Variants in MOXD1 observed in about 807,000 individuals in gnomAD.
The protein encoded by MOXD1 is monooxygenase DBH like 1.
A neutral mutation model predicts 66.6 loss-of-function variants in MOXD1; 62 were observed. The ratio of observed to expected loss-of-function variants is 0.93; its 90% CI spans 0.76 to 1.15. The LOEUF (loss-of-function observed/expected upper bound fraction) is 1.15. MOXD1 is among the 50% of genes most tolerant of loss of function. The pLI, the probability that MOXD1 is intolerant of heterozygous loss-of-function variation, is 0.00. For missense variants in MOXD1, 847 were observed against 754.6 expected, an observed-to-expected ratio of 1.12 and a Z score of -1.44; for synonymous variants, 303 against 281.9, an observed-to-expected ratio of 1.07 and a Z score of -0.75.
intron 4 of MOXD1, among the ~76,000 whole-genome samples, chr6:132,363,222 CAAA>C (rs71926607): frequency 1.4e-5 from 2 of 137,992 alleles, no homozygotes; most frequent in African/African-American, 5.1e-5. Context: ...CAATAAAAAA[CAAA>C]AAAAAAAAAC....
At chr6:132,337,577 A>G (rs1775466628) in intron 4 of MOXD1, among the ~76,000 whole-genome samples, 1 of 152,186 alleles carries the variant, frequency 6.6e-6, no homozygotes, top group Non-Finnish European at 1.5e-5. Flanking sequence ...AGGCTATTTG[A>G]CTTGATGAAA....
At chr6:132,368,404 T>C (rs1156782840) in intron 4 of MOXD1, among the ~76,000 whole-genome samples, 1 of 152,054 alleles carries the variant, frequency 6.6e-6, no homozygotes, top group East Asian at 1.9e-4. Context: ...GAATATTCTT[T>C]TCTACAATTT....
intron 4 of MOXD1, among the ~76,000 whole-genome samples, chr6:132,333,973 A>C (rs1164386824): frequency 1.3e-5 from 2 of 152,262 alleles, no homozygotes; most frequent in Non-Finnish European, 2.9e-5. Flanking sequence ...CTTAGCAAGA[A>C]AAGCAGAGAA....
intron 4 of MOXD1, among the ~76,000 whole-genome samples, chr6:132,368,185 T>C (rs1318991180): frequency 6.6e-6 from 1 of 152,072 alleles, no homozygotes; most frequent in Non-Finnish European, 1.5e-5. Context: ...CCACGACTAA[T>C]AGTCATGGCA....
At position 132,401,400 on chromosome 6, in the gene MOXD1, C is replaced by A; in HGVS notation, c.27G>T (p.Leu9=). 3 of 1,522,942 alleles carry A rather than the reference C, an allele frequency of 2.0e-6. No homozygotes were observed. In the East Asian group the frequency reaches 7.7e-5, roughly 39 times the overall value. The allele number at this position is 1,522,942 out of a possible 1,614,324, so 94.3% of individuals were successfully genotyped here. A position where few individuals can be genotyped will look rare whatever the true frequency, so the allele number is the denominator to read the frequency against. The change falls in exon 1 of 12, where the codon CTG becomes CTT. Residue 9 remains leucine, a synonymous_variant. Transcript: ENST00000367963. MCCWPLLL[L]WGLLPGTAAG... ...CCGCCGTCCCGGGGAGCAGCCCCCA[C>A]AGCAGGAGCAGCGGCCAGCAGCACA... is the stretch of plus-strand genomic sequence containing the variant.
intron 4 of MOXD1, among the ~76,000 whole-genome samples, chr6:132,336,043 G>A (rs1775428560): frequency 6.6e-6 from 1 of 152,096 alleles, no homozygotes; most frequent in Non-Finnish European, 1.5e-5. Flanking sequence ...CAATTTTCCT[G>A]TACTCATTCT....
chr6:132,301,354 T>C (rs1238621505), intron 10 of MOXD1, among the ~76,000 whole-genome samples: 2 of 152,010 alleles, frequency 1.3e-5, no homozygotes, highest in Admixed American at 6.6e-5. Flanking sequence ...CAATACACCA[T>C]GGTAGAGTAA....
chr6:132,330,961 A>G (rs1213887954), intron 4 of MOXD1, among the ~76,000 whole-genome samples: 1 of 152,160 alleles, frequency 6.6e-6, no homozygotes, highest in Non-Finnish European at 1.5e-5. Flanking sequence ...CATCACATTC[A>G]TGGAAAAAAC....
chr6:132,326,728 TAA>T, intron 6 of MOXD1, among the ~76,000 whole-genome samples: 2 of 152,166 alleles, frequency 1.3e-5, no homozygotes, highest in Admixed American at 1.3e-4. Flanking sequence ...GTATGGGATA[TAA>T]TTGGTGGGTG....
intron 6 of MOXD1, among the ~76,000 whole-genome samples, chr6:132,327,091 C>A (rs1436535193): frequency 6.6e-6 from 1 of 152,072 alleles, no homozygotes; most frequent in Non-Finnish European, 1.5e-5. Flanking sequence ...TTCACTGCAC[C>A]CTAACCCTTC....
chr6:132,371,007 C>A (rs1471579613), intron 4 of MOXD1, among the ~76,000 whole-genome samples: 1 of 152,060 alleles, frequency 6.6e-6, no homozygotes, highest in South Asian at 2.1e-4. Flanking sequence ...TTAGCATTAA[C>A]AATGGCAAGA....
rs141077485 is a variant in MOXD1 at position 132,348,266 on chromosome 6, C to T, written c.664-19672G>A. Reference sequence around the variant, plus strand: ...CATTTTATTTAATTTGCAAAGTTAACAGAAAAAATAATGTAACATCATTCA... The same window carrying T: ...CATTTTATTTAATTTGCAAAGTTAATAGAAAAAATAATGTAACATCATTCA... On this transcript the variant is annotated intron_variant, in intron 4 of 11. Transcript: ENST00000367963. 3.7e-3 allele frequency among the ~76,000 whole-genome samples: 557 copies of T among 152,278 alleles called. 2 individuals carry two copies. Among genetic ancestry groups the T allele is most frequent in the Non-Finnish European group, 6.6e-3 (446 of 68,002 alleles).
intron 4 of MOXD1, among the ~76,000 whole-genome samples, chr6:132,357,592 T>A (rs1775933259): frequency 6.6e-6 from 1 of 152,096 alleles, no homozygotes; most frequent in Non-Finnish European, 1.5e-5. Context: ...ATTTCAATTT[T>A]TCCCTCTTTT....
chr6:132,339,075 T>G (rs977311061), intron 4 of MOXD1, among the ~76,000 whole-genome samples: 4 of 152,220 alleles, frequency 2.6e-5, no homozygotes, highest in African/African-American at 9.6e-5. Flanking sequence ...TCCATAAATA[T>G]TAATGATATT....
chr6:132,322,099 T>G (rs1775088550), intron 8 of MOXD1, among the ~76,000 whole-genome samples: 1 of 152,170 alleles, frequency 6.6e-6, no homozygotes, highest in African/African-American at 2.4e-5. Flanking sequence ...AGCTTGATGG[T>G]CATGGAATAA....
intron 4 of MOXD1, among the ~76,000 whole-genome samples, chr6:132,351,700 A>T (rs1415290384): frequency 6.6e-6 from 1 of 152,156 alleles, no homozygotes; most frequent in East Asian, 1.9e-4. Flanking sequence ...CTTGTGGAAT[A>T]ATGTCAAAAA....
At chr6:132,326,312 C>T (rs879356724) in intron 6 of MOXD1, among the ~76,000 whole-genome samples, 2 of 151,780 alleles carry the variant, frequency 1.3e-5, no homozygotes, top group Admixed American at 1.3e-4. Context: ...CCTGAGTTCT[C>T]TATTAACCTG....
chr6:132,322,900 AGCCCACATTAAT>A (rs1378652468), intron 7 of MOXD1, 30 bp from the exon 8 acceptor site: 2 of 1,567,120 alleles, frequency 1.3e-6, no homozygotes, highest in Non-Finnish European at 1.7e-6. Context: ...AGACCCGATT[AGCCCACATTAAT>A]GCATGTTCAG....
At chr6:132,391,270 A>T (rs1355791326) in intron 1 of MOXD1, 1 of 152,126 alleles carries the variant, frequency 6.6e-6, no homozygotes, top group East Asian at 1.9e-4. Context: ...ATGTTTGGCT[A>T]AATTAGATGA....
Sources: allele counts gnomAD v4.1 joint callset (sites outside exome capture counted in the v4.1 genomes callset), GRCh38; gene constraint gnomAD v4.1.1; transcripts MANE v1.5; gene names NCBI Gene and HGNC (gene_info 2026-07-23, HGNC 2026-07-21).